The following CCNY variants were observed in gnomAD, a reference collection of about 807,000 sequenced individuals.
The protein encoded by CCNY is cyclin Y.
In CCNY, 19 loss-of-function variants were observed where a neutral mutation model predicts 42.8. The ratio of observed to expected loss-of-function variants is 0.44; its 90% CI spans 0.31 to 0.65. The LOEUF (loss-of-function observed/expected upper bound fraction) is 0.65, where lower values mean the gene tolerates loss of function less well. Among genes scored for constraint, CCNY ranks in the 30% least tolerant of loss-of-function variants. The probability of loss-of-function intolerance (pLI) is 0.07; values close to 1 mark genes in which losing one functional copy is unlikely to be tolerated. For missense variants in CCNY, 370 were observed against 437.3 expected (o/e 0.85, Z 1.37); for synonymous variants, 165 against 162.7 (o/e 1.01, Z -0.11).
chr10:35,335,660 C>G (rs1836006929), upstream of CCNY, among the ~76,000 whole-genome samples: 1 of 152,062 alleles, frequency 6.6e-6, no homozygotes, highest in African/African-American at 2.4e-5. Flanking sequence ...CGATACCAGC[C>G]CGGGTTACGA....
At chr10:35,392,795 G>C (rs1351551347) in intron 1 of CCNY, among the ~76,000 whole-genome samples, 1 of 152,182 alleles carries the variant, frequency 6.6e-6, no homozygotes, top group African/African-American at 2.4e-5. Flanking sequence ...GAGCGGCCAG[G>C]AGGACTTTAG....
At chr10:35,539,117 A>T (rs1840944849) in intron 7 of CCNY, among the ~76,000 whole-genome samples, 1 of 152,156 alleles carries the variant, frequency 6.6e-6, no homozygotes, top group Non-Finnish European at 1.5e-5. Flanking sequence ...CCATTTATCT[A>T]TATGTATTTC....
At chr10:35,411,540 T>C (rs1436811863) in intron 1 of CCNY, among the ~76,000 whole-genome samples, 1 of 150,124 alleles carries the variant, frequency 6.7e-6, no homozygotes, top group African/African-American at 2.5e-5. Flanking sequence ...AAAAAAGATT[T>C]AGCAGTGATA....
At chr10:35,495,099 C>G (rs1406078805) in intron 2 of CCNY, among the ~76,000 whole-genome samples, 2 of 152,162 alleles carry the variant, frequency 1.3e-5, no homozygotes, top group East Asian at 3.9e-4. Context: ...TATCCTAAAT[C>G]CACAATACTT....
intron 1 of CCNY, among the ~76,000 whole-genome samples, chr10:35,428,641 A>C (rs1411170140): frequency 2.0e-5 from 3 of 152,140 alleles, no homozygotes; most frequent in African/African-American, 7.2e-5. Flanking sequence ...AGACAGACAG[A>C]GCTGGCAGGC....
intron 1 of CCNY, among the ~76,000 whole-genome samples, chr10:35,351,903 A>G (rs1415724239): frequency 6.6e-6 from 1 of 152,202 alleles, no homozygotes; most frequent in Non-Finnish European, 1.5e-5. Flanking sequence ...AGAGCCATTT[A>G]TTATACACTT....
intron 1 of CCNY, among the ~76,000 whole-genome samples, chr10:35,454,896 C>A (rs1838996036): frequency 6.6e-6 from 1 of 152,340 alleles, no homozygotes; most frequent in Non-Finnish European, 1.5e-5. Flanking sequence ...ATGTGACCAG[C>A]TGCAAATACC....
chr10:35,429,983 G>T (rs1008438775), intron 1 of CCNY, among the ~76,000 whole-genome samples: 4 of 152,118 alleles, frequency 2.6e-5, no homozygotes, highest in Non-Finnish European at 5.9e-5. Context: ...AGAAGACTTT[G>T]CATGTCCCAT....
intron 3 of CCNY, among the ~76,000 whole-genome samples, chr10:35,515,775 G>A (rs1399310194): frequency 6.6e-6 from 1 of 152,130 alleles, no homozygotes; most frequent in Middle Eastern, 3.2e-3. Context: ...GTTCAACTAG[G>A]TGTCATCAGT....
intron 1 of CCNY, among the ~76,000 whole-genome samples, chr10:35,397,285 A>G (rs1039648899): frequency 2.0e-5 from 3 of 152,166 alleles, no homozygotes; most frequent in African/African-American, 4.8e-5. Context: ...CTTCAAACCT[A>G]CTTACCCCAT....
chr10:35,553,971 A>C (rs937538454), intron 8 of CCNY, among the ~76,000 whole-genome samples: 2 of 152,232 alleles, frequency 1.3e-5, no homozygotes, highest in Non-Finnish European at 2.9e-5. Context: ...CTTGACTTAC[A>C]GTTCCTTATG....
chr10:35,456,901 TAA>T (rs1839048207), intron 1 of CCNY, among the ~76,000 whole-genome samples: 1 of 152,114 alleles, frequency 6.6e-6, no homozygotes, highest in Admixed American at 6.5e-5. Context: ...ATCAAAAAAA[TAA>T]AGAGTCTGTG....
intron 3 of CCNY, among the ~76,000 whole-genome samples, chr10:35,297,488 G>A (rs1038005125): frequency 6.6e-6 from 1 of 152,106 alleles, no homozygotes; most frequent in Non-Finnish European, 1.5e-5. Context: ...TGGAAGTCCT[G>A]GCCAGAGCAA....
At chr10:35,488,115 G>A (rs1335447265) in intron 2 of CCNY, among the ~76,000 whole-genome samples, 2 of 152,168 alleles carry the variant, frequency 1.3e-5, no homozygotes, top group African/African-American at 2.4e-5. Context: ...TGCGGAATCT[G>A]TGTTTCTCAG....
intron 2 of CCNY, among the ~76,000 whole-genome samples, chr10:35,490,456 G>A (rs1839873411): frequency 6.6e-6 from 1 of 152,182 alleles, no homozygotes; most frequent in Admixed American, 6.5e-5. Flanking sequence ...ATCATAAATG[G>A]CCAGACAGGC....
At chr10:35,247,875 C>CAAAA (rs56166117) in intron 1 of CCNY, among the ~76,000 whole-genome samples, 47 of 58,140 alleles carry the variant, frequency 8.1e-4, no homozygotes, top group African/African-American at 1.4e-3. Flanking sequence ...GACTCCATCT[C>CAAAA]AAAAAAAAAA....
At chr10:35,529,299 C>T (rs956388986) in intron 5 of CCNY, among the ~76,000 whole-genome samples, 2 of 152,190 alleles carry the variant, frequency 1.3e-5, no homozygotes, top group African/African-American at 4.8e-5. Flanking sequence ...CTTACCCTGG[C>T]GCTTCTTTCC....
At chr10:35,361,842 C>T (rs1836692792) in intron 1 of CCNY, among the ~76,000 whole-genome samples, 1 of 152,106 alleles carries the variant, frequency 6.6e-6, no homozygotes, top group Admixed American at 6.5e-5. Flanking sequence ...ATCAGAAATG[C>T]TCCAAAATCT....
Position 35,455,937 on chromosome 10 carries a change from G to A in CCNY, c.155-27467G>A, listed in dbSNP as rs146681689. On this transcript the variant is annotated intron_variant, in intron 1 of 9. Coordinates refer to ENST00000374704, the MANE Select transcript of CCNY (RefSeq NM_145012.6). Reference sequence around the variant, plus strand: ...GGGCTCAAGCAGTCCTCCCACCTTAGCATCCCAAAGTGTTGGGATTACAGG... The same window carrying A: ...GGGCTCAAGCAGTCCTCCCACCTTAACATCCCAAAGTGTTGGGATTACAGG... 7.1e-3 allele frequency among the ~76,000 whole-genome samples: 1,063 copies of A among 150,394 alleles called. 11 individuals carry two copies. The highest frequency in any genetic ancestry group is 0.025 in the African/African-American group (1,014 of 40,862).
Sources: gnomAD v4.1 joint callset for allele counts (sites outside exome capture counted in the v4.1 genomes callset) on GRCh38, gnomAD v4.1.1 for gene constraint, MANE v1.5 for transcripts, NCBI Gene and HGNC (gene_info 2026-07-23, HGNC 2026-07-21) for gene names.